Variants in BNC2 observed in about 807,000 individuals in gnomAD.
BNC2 encodes the protein zinc finger protein basonuclin-2.
A neutral mutation model predicts 76.3 loss-of-function variants in BNC2; 20 were observed. That is an observed-to-expected ratio of 0.26 (90% CI 0.18 to 0.38). BNC2 has a LOEUF of 0.38. BNC2 is among the 10% of genes least tolerant of loss of function. The pLI is 1.00. For missense variants in BNC2, 1,382 were observed against 1,399.8 expected (o/e 0.99, Z 0.20); for synonymous variants, 582 against 514.8 (o/e 1.13, Z -1.77).
intron 1 of BNC2, among the ~76,000 whole-genome samples, chr9:16,752,956 CT>C (rs2135298275): frequency 1.3e-5 from 2 of 152,316 alleles, no homozygotes; most frequent in South Asian, 4.1e-4. Flanking sequence ...ATGATTAAAA[CT>C]TACAGAACTG....
chr9:16,487,858 T>C (rs1287504476), intron 5 of BNC2, among the ~76,000 whole-genome samples: 1 of 152,226 alleles, frequency 6.6e-6, no homozygotes, highest in African/African-American at 2.4e-5. Flanking sequence ...TCTTTCCTAA[T>C]GCAGGATCAG....
chr9:16,622,914 C>A (rs1051722874), intron 3 of BNC2, among the ~76,000 whole-genome samples: 2 of 152,042 alleles, frequency 1.3e-5, no homozygotes, highest in East Asian at 1.9e-4. Flanking sequence ...TGTTAAAAAA[C>A]GATGAACAAC....
At chr9:16,643,395 C>T (rs566936618) in intron 3 of BNC2, among the ~76,000 whole-genome samples, 13 of 151,708 alleles carry the variant, frequency 8.6e-5, no homozygotes, top group African/African-American at 3.1e-4. Flanking sequence ...AATAATTTTA[C>T]TTTCTGTAAG....
rs115537835 is a variant in BNC2, at chr9:16,518,340, G to A, written c.669+34190C>T. On this transcript the variant is annotated intron_variant, in intron 5 of 6. Coordinates refer to ENST00000380672, the MANE Select transcript of BNC2 (RefSeq NM_017637.6). ...TCCCAGCTACTCAGTAGGCTGAGGT[G>A]GGAGGATTGCAAAAACCCAGGAGGT... is the stretch of plus-strand genomic sequence containing the variant. Among the ~76,000 whole-genome samples, 770 of 152,084 alleles carry A rather than the reference G, an allele frequency of 5.1e-3. 7 individuals are homozygous for A. Among genetic ancestry groups the A allele is most frequent in the African/African-American group, 0.018 (744 of 41,522 alleles).
At chr9:16,617,649 T>C (rs1342424914) in intron 3 of BNC2, among the ~76,000 whole-genome samples, 1 of 152,174 alleles carries the variant, frequency 6.6e-6, no homozygotes, top group African/African-American at 2.4e-5. Flanking sequence ...AGGGTCAGGT[T>C]CCAGGGGTTA....
At chr9:16,637,390 T>C (rs1320652108) in intron 3 of BNC2, among the ~76,000 whole-genome samples, 1 of 152,160 alleles carries the variant, frequency 6.6e-6, no homozygotes, top group Non-Finnish European at 1.5e-5. Flanking sequence ...ACACAGCAGT[T>C]CAAGTTGTGA....
At chr9:16,446,206 C>G (rs1170494524) in intron 5 of BNC2, among the ~76,000 whole-genome samples, 1 of 152,026 alleles carries the variant, frequency 6.6e-6, no homozygotes, top group African/African-American at 2.4e-5. Flanking sequence ...ATATACTACT[C>G]TCATTATAAA....
In BNC2 at chr9:16,549,411, T is replaced by G. The variant is rs181686194; in HGVS notation, c.669+3119A>C. Among the ~76,000 whole-genome samples the G allele has an allele frequency of 3.5e-3, 534 of 152,330 alleles. 7 individuals are homozygous for G. The highest frequency in any genetic ancestry group is 0.026 in the Admixed American group (399 of 15,306). ...ACTGACATAATATTCAATATACTGT[T>G]GTTGAGAGCAATAATGCTAAAATTG... On this transcript the variant is annotated intron_variant, in intron 5 of 6. Transcript: ENST00000380672.
intron 3 of BNC2, among the ~76,000 whole-genome samples, chr9:16,583,699 G>A (rs1475850605): frequency 6.6e-6 from 1 of 151,426 alleles, no homozygotes; most frequent in Admixed American, 6.6e-5. Flanking sequence ...TTCCTGTTTT[G>A]AAAAATAAAA....
chr9:16,503,825 T>C lies in BNC2; in HGVS notation c.669+48705A>G, dbSNP rs573322423. On this transcript the variant is annotated intron_variant, in intron 5 of 6. Transcript: ENST00000380672. ...TACCTTAAGGACCATTATTTAGCAA[T>C]TATGTGGGCCTCTTCATGTGCCAAC... Among the ~76,000 whole-genome samples the C allele has an allele frequency of 1.4e-4, 21 of 152,282 alleles. No homozygotes were observed. In the East Asian group the frequency reaches 4.1e-3, roughly 29 times the overall value.
At chr9:16,539,907 G>C (rs1818266765) in intron 5 of BNC2, among the ~76,000 whole-genome samples, 1 of 151,756 alleles carries the variant, frequency 6.6e-6, no homozygotes, top group Non-Finnish European at 1.5e-5. Flanking sequence ...TTGGAATTTT[G>C]AAAAGGAATA....
intron 3 of BNC2, among the ~76,000 whole-genome samples, chr9:16,665,722 A>G (rs993488485): frequency 6.6e-6 from 1 of 152,212 alleles, no homozygotes; most frequent in African/African-American, 2.4e-5. Context: ...TTCCTCTGAA[A>G]CCAAGCCCTG....
intron 6 of BNC2, chr9:16,429,880 C>G (rs772820825): frequency 4.1e-6 from 2 of 486,330 alleles, no homozygotes; most frequent in Admixed American, 4.3e-5. Flanking sequence ...ACGAGCTTGT[C>G]TTGCATCCAG....
intron 1 of BNC2, among the ~76,000 whole-genome samples, chr9:16,801,288 C>G (rs1034778132): frequency 6.6e-6 from 1 of 152,092 alleles, no homozygotes; most frequent in African/African-American, 2.4e-5. Context: ...ACTCTGTCAC[C>G]CAGGCTGGAG....
At chr9:16,741,904 G>C (rs1448442611) in intron 1 of BNC2, among the ~76,000 whole-genome samples, 2 of 137,160 alleles carry the variant, frequency 1.5e-5, no homozygotes, top group African/African-American at 5.4e-5. Flanking sequence ...GTTGCAGTGA[G>C]CTGAGATCAC....
At chr9:16,431,958 T>C (rs1439184416) in intron 6 of BNC2, among the ~76,000 whole-genome samples, 1 of 152,204 alleles carries the variant, frequency 6.6e-6, no homozygotes, top group Non-Finnish European at 1.5e-5. Flanking sequence ...TGCAGCCTGG[T>C]TCCTAACAGG....
intron 1 of BNC2, among the ~76,000 whole-genome samples, chr9:16,848,926 G>A (rs909824952): frequency 1.3e-5 from 2 of 152,144 alleles, no homozygotes; most frequent in Non-Finnish European, 2.9e-5. Context: ...CAGGCTATGT[G>A]TATAAAATAT....
At chr9:16,617,998 A>G (rs1451132229) in intron 3 of BNC2, among the ~76,000 whole-genome samples, 2 of 152,226 alleles carry the variant, frequency 1.3e-5, no homozygotes, top group African/African-American at 2.4e-5. Context: ...CAGTAAAGCC[A>G]TGCCTGGACT....
intron 5 of BNC2, among the ~76,000 whole-genome samples, chr9:16,448,340 T>A (rs956412208): frequency 2.0e-5 from 3 of 151,986 alleles, no homozygotes; most frequent in Admixed American, 2.0e-4. Flanking sequence ...GCGCAAAAAA[T>A]TTTTTTACAT....
Sources: allele counts gnomAD v4.1 joint callset (sites outside exome capture counted in the v4.1 genomes callset), GRCh38; gene constraint gnomAD v4.1.1; transcripts MANE v1.5; gene names NCBI Gene and HGNC (gene_info 2026-07-23, HGNC 2026-07-21).